RNF220: variants seen among roughly 807,000 people sequenced by gnomAD.
The protein encoded by RNF220 is E3 ubiquitin-protein ligase RNF220.
RNF220 carries 7 observed loss-of-function variants against 67.1 expected under a neutral mutation model. The ratio of observed to expected loss-of-function variants is 0.10; its 90% CI spans 0.06 to 0.20. The LOEUF is 0.20. Ranked by LOEUF, RNF220 falls within the 10% of genes least tolerant of loss-of-function variation. RNF220 has a pLI of 1.00. For synonymous variants in RNF220, 270 were observed against 283.2 expected, an observed-to-expected ratio of 0.95 and a Z score of 0.47; for missense variants, 565 against 740.3, an observed-to-expected ratio of 0.76 and a Z score of 2.75.
Position 44,524,313 on chromosome 1 carries a change from G to T in RNF220, c.626-89852G>T, listed in dbSNP as rs577623385. 2.6e-5 allele frequency among the ~76,000 whole-genome samples: 4 copies of T among 152,202 alleles called. 1 individual carries two copies. Among genetic ancestry groups the T allele is most frequent in the South Asian group, 2.1e-4 (1 of 4,814 alleles). ...TACGACTCTCCCACCTCGGGTAGGT[G>T]GGGGCAGGGTGAGAGCCCACCCTCA... On this transcript the variant is annotated intron_variant, in intron 2 of 14. Coordinates refer to ENST00000361799, the MANE Select transcript of RNF220 (RefSeq NM_018150.4).
chr1:44,406,181 C>T (rs981723815), intron 1 of RNF220, among the ~76,000 whole-genome samples: 1 of 152,170 alleles, frequency 6.6e-6, no homozygotes. Context: ...CCCTGGACCC[C>T]GGGTGCTCGG....
At chr1:44,453,190 T>C (rs1018116717) in intron 2 of RNF220, among the ~76,000 whole-genome samples, 5 of 152,182 alleles carry the variant, frequency 3.3e-5, no homozygotes, top group Non-Finnish European at 7.3e-5. Context: ...TAAAATATAG[T>C]ATTAGTTTTA....
chr1:44,468,750 C>CA (rs533446983), intron 2 of RNF220, among the ~76,000 whole-genome samples: 6 of 151,490 alleles, frequency 4.0e-5, no homozygotes, highest in Non-Finnish European at 7.4e-5. Context: ...TCGGTCTCTA[C>CA]AAAAAAATAC....
At chr1:44,537,117 A>T (rs1388906709) in intron 2 of RNF220, among the ~76,000 whole-genome samples, 1 of 152,014 alleles carries the variant, frequency 6.6e-6, no homozygotes, top group Non-Finnish European at 1.5e-5. Flanking sequence ...TGTTTATCTC[A>T]CTACCTCTGT....
chr1:44,604,431 G>A (rs1667132665), intron 2 of RNF220, among the ~76,000 whole-genome samples: 1 of 152,246 alleles, frequency 6.6e-6, no homozygotes, highest in East Asian at 1.9e-4. Flanking sequence ...TCCACAAGAG[G>A]ACAGAGGCTG....
intron 2 of RNF220, among the ~76,000 whole-genome samples, chr1:44,482,781 C>G (rs1393318567): frequency 4.6e-5 from 7 of 152,082 alleles, no homozygotes; most frequent in Non-Finnish European, 1.0e-4. Context: ...GCCACAATGC[C>G]TGGCTAATTT....
intron 2 of RNF220, among the ~76,000 whole-genome samples, chr1:44,510,050 G>A (rs1425348973): frequency 1.3e-5 from 2 of 151,658 alleles, no homozygotes; most frequent in African/African-American, 4.8e-5. Context: ...CCAGCCTGAG[G>A]TACATGGCGA....
At chr1:44,578,286 T>C (rs543349098) in intron 2 of RNF220, among the ~76,000 whole-genome samples, 18 of 151,852 alleles carry the variant, frequency 1.2e-4, no homozygotes, top group Middle Eastern at 6.8e-3. Context: ...GTAGCTGGGA[T>C]TACAGGCGTG....
At chr1:44,525,279 G>A (rs992836538) in intron 2 of RNF220, among the ~76,000 whole-genome samples, 4 of 152,192 alleles carry the variant, frequency 2.6e-5, no homozygotes, top group Admixed American at 6.5e-5. Context: ...CTTGCTGAGC[G>A]AGAGGGGGGC....
chr1:44,484,650 C>T (rs1163460590), intron 2 of RNF220, among the ~76,000 whole-genome samples: 1 of 152,092 alleles, frequency 6.6e-6, no homozygotes, highest in African/African-American at 2.4e-5. Context: ...TGACTCACAT[C>T]TGGAGGAGGG....
intron 2 of RNF220, among the ~76,000 whole-genome samples, chr1:44,592,735 G>A (rs1307721852): frequency 1.3e-5 from 2 of 152,152 alleles, no homozygotes; most frequent in African/African-American, 2.4e-5. Context: ...AAGAAGACTC[G>A]GATGGGTTAC....
chr1:44,585,477 A>G (rs1665630837), intron 2 of RNF220, among the ~76,000 whole-genome samples: 1 of 152,196 alleles, frequency 6.6e-6, no homozygotes, highest in Non-Finnish European at 1.5e-5. Flanking sequence ...TCCGTTAACC[A>G]TGGCTGTTCT....
intron 1 of RNF220, among the ~76,000 whole-genome samples, chr1:44,407,904 C>A (rs1009369024): frequency 2.6e-5 from 4 of 152,168 alleles, no homozygotes; most frequent in Non-Finnish European, 5.9e-5. Context: ...AGGCTGGCAG[C>A]TCTGAGCCCC....
intron 2 of RNF220, among the ~76,000 whole-genome samples, chr1:44,550,616 A>T (rs932540966): frequency 6.6e-6 from 1 of 152,090 alleles, no homozygotes. Context: ...ACGAGTAGGA[A>T]CCTCTCTACA....
intron 2 of RNF220, among the ~76,000 whole-genome samples, chr1:44,545,034 C>T (rs1043831610): frequency 3.9e-5 from 6 of 152,236 alleles, no homozygotes; most frequent in African/African-American, 9.6e-5. Context: ...ACAAACAAAG[C>T]GGGCTAAAAT....
chr1:44,425,211 CG>C (rs949005842), intron 2 of RNF220, among the ~76,000 whole-genome samples: 18 of 152,118 alleles, frequency 1.2e-4, no homozygotes, highest in African/African-American at 4.3e-4. Context: ...GGGATGCTCT[CG>C]TCAACTTTGC....
chr1:44,527,200 G>A (rs746176403), intron 2 of RNF220, among the ~76,000 whole-genome samples: 3 of 151,914 alleles, frequency 2.0e-5, no homozygotes, highest in Non-Finnish European at 4.4e-5. Context: ...TCCTTGCAGA[G>A]CACCTCCAGA....
At chr1:44,558,928 A>T (rs1219087218) in intron 2 of RNF220, among the ~76,000 whole-genome samples, 1 of 152,166 alleles carries the variant, frequency 6.6e-6, no homozygotes, top group Non-Finnish European at 1.5e-5. Flanking sequence ...AGCCCCCATG[A>T]TGCATTCCCA....
chr1:44,581,515 C>T (rs948043980), intron 2 of RNF220, among the ~76,000 whole-genome samples: 3 of 152,206 alleles, frequency 2.0e-5, no homozygotes, highest in African/African-American at 7.2e-5. Context: ...AAAATGAAAC[C>T]TCTGGCCAGG....
Sources: gnomAD v4.1 joint callset for allele counts (sites outside exome capture counted in the v4.1 genomes callset) on GRCh38, gnomAD v4.1.1 for gene constraint, MANE v1.5 for transcripts, NCBI Gene and HGNC (gene_info 2026-07-23, HGNC 2026-07-21) for gene names.